Variants in SLC25A21 observed in about 807,000 individuals in gnomAD.
The protein encoded by SLC25A21 is solute carrier family 25 member 21, also known as mitochondrial 2-oxodicarboxylate carrier.
Under a neutral mutation model 43.8 loss-of-function variants are expected in SLC25A21, and 47 were observed. The observed-to-expected ratio is 1.07, with a 90% CI of 0.85 to 1.37. The LOEUF is 1.37. SLC25A21 is among the 40% of genes most tolerant of loss of function. The probability of loss-of-function intolerance (pLI) is 0.00; values close to 1 mark genes in which losing one functional copy is unlikely to be tolerated. For synonymous variants in SLC25A21, 131 were observed against 121.3 expected, an observed-to-expected ratio of 1.08 and a Z score of -0.52; for missense variants, 352 against 350.2, an observed-to-expected ratio of 1.00 and a Z score of -0.04.
At chr14:36,729,676 A>G (rs1884744549) in intron 4 of SLC25A21, 110 bp from the exon 5 acceptor site, 4 of 854,614 alleles carry the variant, frequency 4.7e-6, no homozygotes, top group Non-Finnish European at 7.3e-6. Context: ...ATTTCAAAAA[A>G]TGATAAACTA....
chr14:37,088,229 TATC>T (rs1407244865), intron 1 of SLC25A21, among the ~76,000 whole-genome samples: 12 of 152,232 alleles, frequency 7.9e-5, no homozygotes, highest in African/African-American at 2.9e-4. Flanking sequence ...GTTGGTAATA[TATC>T]ATAATGCATA....
intron 3 of SLC25A21, among the ~76,000 whole-genome samples, chr14:36,752,620 C>G: frequency 6.6e-6 from 1 of 152,106 alleles, no homozygotes. Flanking sequence ...ATGGAATAAG[C>G]CAGACACAAA....
intron 1 of SLC25A21, among the ~76,000 whole-genome samples, chr14:37,132,304 G>C (rs999418885): frequency 6.6e-6 from 1 of 152,112 alleles, no homozygotes; most frequent in Non-Finnish European, 1.5e-5. Context: ...CCACAGCATA[G>C]GGTGAAGGAG....
chr14:36,809,174 T>C (rs917820827), intron 3 of SLC25A21: 3 of 152,176 alleles, frequency 2.0e-5, no homozygotes, highest in African/African-American at 7.2e-5. Flanking sequence ...CTAGGCTGTA[T>C]CTTTATGTCT....
intron 1 of SLC25A21, among the ~76,000 whole-genome samples, chr14:37,109,534 T>C (rs927239149): frequency 6.6e-6 from 1 of 152,218 alleles, no homozygotes; most frequent in Non-Finnish European, 1.5e-5. Flanking sequence ...AGCCAAGTTA[T>C]ATAAATACAA....
intron 2 of SLC25A21, among the ~76,000 whole-genome samples, chr14:36,853,476 T>C (rs1889805052): frequency 6.6e-6 from 1 of 152,200 alleles, no homozygotes; most frequent in Non-Finnish European, 1.5e-5. Context: ...AATCATTTCC[T>C]AAGCTGCTAG....
intron 7 of SLC25A21, among the ~76,000 whole-genome samples, chr14:36,705,245 C>T (rs1883474550): frequency 1.3e-5 from 2 of 151,670 alleles, no homozygotes; most frequent in Admixed American, 6.6e-5. Flanking sequence ...CAGGGCTTCA[C>T]TGTGTTAGTC....
At chr14:36,755,287 G>T (rs1885880479) in intron 3 of SLC25A21, among the ~76,000 whole-genome samples, 1 of 152,222 alleles carries the variant, frequency 6.6e-6, no homozygotes, top group African/African-American at 2.4e-5. Context: ...TATCAGGGAA[G>T]AATTCAGTTA....
chr14:37,144,464 T>C (rs1467271676), intron 1 of SLC25A21, among the ~76,000 whole-genome samples: 1 of 152,092 alleles, frequency 6.6e-6, no homozygotes, highest in African/African-American at 2.4e-5. Context: ...ACTACTAAAA[T>C]ATTAGTTAAG....
intron 2 of SLC25A21, among the ~76,000 whole-genome samples, chr14:36,854,499 C>T (rs910562810): frequency 8.5e-5 from 13 of 152,166 alleles, no homozygotes; most frequent in African/African-American, 3.1e-4. Flanking sequence ...GTTTCCTCAT[C>T]TGTTCAATGG....
At chr14:36,931,530 A>G (rs941378053) in intron 1 of SLC25A21, among the ~76,000 whole-genome samples, 1 of 152,168 alleles carries the variant, frequency 6.6e-6, no homozygotes, top group African/African-American at 2.4e-5. Flanking sequence ...CAGAAGCCTG[A>G]AAAGAGAGGG....
chr14:36,860,372 C>T (rs1890032392), intron 2 of SLC25A21, among the ~76,000 whole-genome samples: 1 of 152,290 alleles, frequency 6.6e-6, no homozygotes, highest in African/African-American at 2.4e-5. Context: ...TTAGAAGAAG[C>T]CTCCAAGACC....
rs184353173 is a variant in SLC25A21 at position 36,769,710 on chromosome 14, T to C, written c.204-35137A>G. Reference sequence around the variant, plus strand: ...ATTCTTTTTAAAATATGTAGACTCATATTTTTCCTACAAAAATAGAATTCA... The same window carrying C: ...ATTCTTTTTAAAATATGTAGACTCACATTTTTCCTACAAAAATAGAATTCA... On this transcript the variant is annotated intron_variant, in intron 3 of 9. Coordinates refer to ENST00000331299, the MANE Select transcript of SLC25A21 (RefSeq NM_030631.4). Among the ~76,000 whole-genome samples the C allele has an allele frequency of 3.3e-5, 5 of 152,360 alleles. No homozygotes were observed. The South Asian group carries it at 6.2e-4, about 19-fold the overall frequency.
At chr14:37,102,686 A>G (rs548991044) in intron 1 of SLC25A21, among the ~76,000 whole-genome samples, 12 of 152,184 alleles carry the variant, frequency 7.9e-5, no homozygotes, top group African/African-American at 2.9e-4. Flanking sequence ...TGCTCTCAGA[A>G]AGTAGTTAGT....
intron 1 of SLC25A21, among the ~76,000 whole-genome samples, chr14:36,998,557 G>A (rs1392062816): frequency 6.6e-6 from 1 of 152,060 alleles, no homozygotes; most frequent in African/African-American, 2.4e-5. Flanking sequence ...CTCTAAGCCT[G>A]GATAAGTGTA....
chr14:36,806,614 A>G (rs943425510), intron 3 of SLC25A21, among the ~76,000 whole-genome samples: 4 of 152,206 alleles, frequency 2.6e-5, no homozygotes, highest in African/African-American at 9.6e-5. Flanking sequence ...TCCATGCCTG[A>G]ATTAAGATAA....
intron 1 of SLC25A21, among the ~76,000 whole-genome samples, chr14:37,069,043 G>A (rs1962119770): frequency 1.3e-5 from 2 of 152,200 alleles, no homozygotes; most frequent in African/African-American, 2.4e-5. Flanking sequence ...CGGGCATGGT[G>A]GCAGGAGCCT....
chr14:37,150,866 T>G (rs1963747220), intron 1 of SLC25A21, among the ~76,000 whole-genome samples: 1 of 152,166 alleles, frequency 6.6e-6, no homozygotes, highest in Non-Finnish European at 1.5e-5. Context: ...TCTACAATCA[T>G]GCCCCAAAAT....
rs150076840 is a variant in SLC25A21 at position 36,824,507 on chromosome 14, T to C, written c.120-10506A>G. On this transcript the variant is annotated intron_variant, in intron 2 of 9. Transcript: ENST00000331299. ...CTGCTTACTTTTATATCACTTTCAATGTTGAGAGCATTGTAACATATATAA... is the reference window on the plus strand; with the variant it reads ...CTGCTTACTTTTATATCACTTTCAACGTTGAGAGCATTGTAACATATATAA... Among the ~76,000 whole-genome samples, 18 of 152,244 alleles carry C rather than the reference T, an allele frequency of 1.2e-4. No individual in the cohort carries two copies. The East Asian group carries it at 3.5e-3, about 29-fold the overall frequency.
Sources: allele counts gnomAD v4.1 joint callset (sites outside exome capture counted in the v4.1 genomes callset), GRCh38; gene constraint gnomAD v4.1.1; transcripts MANE v1.5; gene names NCBI Gene and HGNC (gene_info 2026-07-23, HGNC 2026-07-21).